The following ZNF737 variants were observed in gnomAD, a reference collection of about 807,000 sequenced individuals.
ZNF737 encodes zinc finger protein 737, also known as zinc finger protein 102 (Y3).
Under a neutral mutation model 11.7 loss-of-function variants are expected in ZNF737, and 13 were observed. That is an observed-to-expected ratio of 1.11 (90% CI 0.73 to 1.77). The LOEUF is 1.77. Among genes scored for constraint, ZNF737 ranks in the 40% most tolerant of loss-of-function variants. The pLI is 0.00. For missense variants in ZNF737, 636 were observed against 638.0 expected, an observed-to-expected ratio of 1.00 and a Z score of 0.03; for synonymous variants, 217 against 216.2, an observed-to-expected ratio of 1.00 and a Z score of -0.03.
intron 1 of ZNF737, among the ~76,000 whole-genome samples, chr19:20,557,665 G>A (rs1555761545): frequency 6.7e-6 from 1 of 149,764 alleles, no homozygotes; most frequent in South Asian, 2.1e-4. Context: ...CACACAGGCT[G>A]GTGTGCAGTG....
chr19:20,539,624 C>A lies in ZNF737; in HGVS notation c.*4968G>T, dbSNP rs1555754677. 1.0e-6 allele frequency: 1 copy of A among 956,234 alleles called. No homozygotes were observed. Among genetic ancestry groups the A allele is most frequent in the South Asian group, 4.8e-5 (1 of 20,684 alleles). The allele number at this position is 956,234 out of a possible 1,614,324, so 59.2% of individuals were successfully genotyped here. ...AAAAATATTCATATTAATGTGTTTA[C>A]AGTTTAATCTTGTATTACAGTATAG... On this transcript the variant is annotated 3_prime_UTR_variant, in exon 4 of 4. Transcript: ENST00000427401.
chr19:20,535,854 T>TA (rs35597979), downstream of ZNF737: 70,096 of 141,736 alleles, frequency 0.49, 16,722 homozygotes, highest in East Asian at 0.57. Context: ...ATGTAAAGTG[T>TA]AAAAAAAAAA....
chr19:20,553,748 T>C lies in ZNF737; in HGVS notation c.91A>G (p.Asn31Asp), dbSNP rs1243791931. The C allele has an allele frequency of 1.9e-6, 3 of 1,613,982 alleles. No homozygotes were observed. The highest frequency in any genetic ancestry group is 2.5e-6 in the Non-Finnish European group (3 of 1,179,936). ...TTTCTGTAGTTCTCTAACATCACAT[T>C]CCTATATAAATTCCGCTGTGCAGTG... ...LDTAQRNLYR[N>D]VMLENYRNLV... The change falls in exon 2 of 4, where the codon AAT (asparagine) becomes GAT (aspartate). Residue 31 changes from asparagine (N) to aspartate (D), a missense_variant. Coordinates refer to ENST00000427401, the MANE Select transcript of ZNF737 (RefSeq NM_001159293.2).
intron 1 of ZNF737, among the ~76,000 whole-genome samples, chr19:20,555,826 C>CTTTTT (rs144778054): frequency 6.7e-5 from 10 of 148,794 alleles, no homozygotes; most frequent in African/African-American, 1.2e-4. Context: ...AAAGAAAAGC[C>CTTTTT]TTTTTTTTTT....
In ZNF737 at chr19:20,545,364, G is replaced by A. The variant is rs999286484; in HGVS notation, c.839C>T (p.Thr280Ile). ...TTCACATTTGTAGGGTTTCTCTCCAGTATGAATTATCTTATGTGTAGTAAG... is the reference window on the plus strand; with the variant it reads ...TTCACATTTGTAGGGTTTCTCTCCAATATGAATTATCTTATGTGTAGTAAG... ...SNLTTHKIIH[T>I]GEKPYKCEEC... The change falls in exon 4 of 4, where the codon ACT becomes ATT. Residue 280 changes from threonine to isoleucine, a missense_variant. By Grantham distance (89) the Thr-to-Ile change is moderately conservative. Transcript: ENST00000427401. The A allele has an allele frequency of 1.2e-6, 2 of 1,612,272 alleles. No individual in the cohort carries two copies. Among genetic ancestry groups the A allele is most frequent in the Non-Finnish European group, 8.5e-7 (1 of 1,179,554 alleles).
In ZNF737 at chr19:20,545,455, T is replaced by C; in HGVS notation, c.748A>G (p.Ile250Val). 6.2e-7 allele frequency: 1 copy of C among 1,613,812 alleles called. No homozygotes were observed. Among genetic ancestry groups the C allele is most frequent in the Middle Eastern group, 1.6e-4 (1 of 6,062 alleles). The stretch of plus-strand genomic sequence containing the variant: ...TTGTAGGGTTTCTCTCCACTATGAA[T>C]TATCTTATGTGCAGTAAGGTATGAA... ...RFSYLTAHKI[I>V]HSGEKPYKCE... Residue 250 changes from isoleucine to valine, a missense_variant, in exon 4 of 4, where the codon ATT (isoleucine) becomes GTT (valine). Ile to Val is a conservative substitution (Grantham distance 29, BLOSUM62 3). Coordinates refer to ENST00000427401, the MANE Select transcript of ZNF737 (RefSeq NM_001159293.2).
chr19:20,530,381 G>A, the ZNF737 span, among the ~76,000 whole-genome samples: 9 of 147,374 alleles, frequency 6.1e-5, no homozygotes, highest in East Asian at 1.1e-3. Context: ...CCTCCCTCCC[G>A]GACGGGGCGA....
chr19:20,539,956 T>C lies in ZNF737; in HGVS notation c.*4636A>G. The C allele has an allele frequency of 1.3e-5, 13 of 985,212 alleles. No homozygotes were observed. Among genetic ancestry groups the C allele is most frequent in the Non-Finnish European group, 1.6e-5 (13 of 829,880 alleles). The allele number at this position is 985,212 out of a possible 1,614,324, so 61.0% of individuals were successfully genotyped here. A position where few individuals can be genotyped will look rare whatever the true frequency, so the allele number is the denominator to read the frequency against. ...TGCCAGTGAGCACTTTTACCCAGGT[T>C]ACCTTTTTCCTCCCATTAATGTGGA... On this transcript the variant is annotated 3_prime_UTR_variant, in exon 4 of 4. Coordinates refer to ENST00000427401, the MANE Select transcript of ZNF737 (RefSeq NM_001159293.2).
At chr19:20,536,427 T>C (rs1456537199), downstream of ZNF737, among the ~76,000 whole-genome samples, 3 of 152,212 alleles carry the variant, frequency 2.0e-5, no homozygotes, top group Non-Finnish European at 4.4e-5. Context: ...TTATATCACC[T>C]GCCTCTGCTA....
rs1411301636 is a variant in ZNF737, at chr19:20,545,653, G to A, written c.550C>T (p.Gln184Ter). Residue 184 changes from glutamine to a stop codon, truncating the protein, a stop_gained, in exon 4 of 4, where the codon CAG (glutamine) becomes TAG (stop). Coordinates refer to ENST00000427401, the MANE Select transcript of ZNF737 (RefSeq NM_001159293.2). LOFTEE classifies it low-confidence loss of function (END_TRUNC). Reference protein sequence around the residue: ...KCIECGKAFNQSSTLTTHKKI... With the variant: ...KCIECGKAFN ...TTATGTGTAGTAAGGGTTGAAGACT[G>A]GTTAAAAGCTTTGCCACATTCTATA... 2 of 1,613,776 alleles carry A rather than the reference G, an allele frequency of 1.2e-6. No individual in the cohort carries two copies. The highest frequency in any genetic ancestry group is 2.7e-5 in the African/African-American group (2 of 74,912).
At chr19:20,565,508 T>C in intron 1 of ZNF737, 130 bp downstream of exon 1, 1 of 1,509,794 alleles carries the variant, frequency 6.6e-7, no homozygotes, top group Admixed American at 1.7e-5. Context: ...GAGGCCGAGC[T>C]GGGCAAGGAG....
intron 1 of ZNF737, 81 bp from the exon 2 acceptor site, chr19:20,553,916 G>C: frequency 6.5e-7 from 1 of 1,530,338 alleles, no homozygotes; most frequent in Non-Finnish European, 8.9e-7. Context: ...AAATGAGAGA[G>C]TAAAGACAAA....
intron 1 of ZNF737, among the ~76,000 whole-genome samples, chr19:20,560,151 C>T (rs1248064828): frequency 1.8e-4 from 22 of 119,856 alleles, no homozygotes; most frequent in East Asian, 5.0e-4. Context: ...CCGGCCTGGG[C>T]GACAGAGCGA....
chr19:20,541,005 T>C lies in ZNF737; in HGVS notation c.*3587A>G. 2 of 985,300 alleles carry C rather than the reference T, an allele frequency of 2.0e-6. No individual in the cohort carries two copies. Among genetic ancestry groups the C allele is most frequent in the Non-Finnish European group, 2.4e-6 (2 of 829,806 alleles). 61.0% of individuals were successfully genotyped at this position (985,300 alleles called of 1,614,324 possible). A position where few individuals can be genotyped will look rare whatever the true frequency, so the allele number is the denominator to read the frequency against. ...TAAAAATGATTTTTTTTTCCTGTTT[T>C]AAGAGGGCTTTTATTATTGTACTCA... On this transcript the variant is annotated 3_prime_UTR_variant, in exon 4 of 4. Transcript: ENST00000427401.
Position 20,545,721 on chromosome 19 carries a change from TTTGA to T in ZNF737, c.478_481del (p.Ser160ThrfsTer5). 6.2e-7 allele frequency: 1 copy of T among 1,612,678 alleles called. No homozygotes were observed. Among genetic ancestry groups the T allele is most frequent in the Non-Finnish European group, 8.5e-7 (1 of 1,179,394 alleles). The stretch of plus-strand genomic sequence containing the variant: ...TCCAGTATGTCTTATCTTATGTCTG[TTTGA>T]ATTTGAAAATTTATGAATGACTTTC... On this transcript the variant is annotated frameshift_variant, in exon 4 of 4. Transcript: ENST00000427401. LOFTEE classifies it low-confidence loss of function (END_TRUNC).
rs879987809 is a variant in ZNF737, at chr19:20,543,983, C to G, written c.*609G>C. 1.9e-5 allele frequency: 12 copies of G among 631,238 alleles called. No individual in the cohort carries two copies. The highest frequency in any genetic ancestry group is 2.2e-5 in the Non-Finnish European group (11 of 507,600). The allele number at this position is 631,238 out of a possible 1,614,324, so 39.1% of individuals were successfully genotyped here. A position where few individuals can be genotyped will look rare whatever the true frequency, so the allele number is the denominator to read the frequency against. On this transcript the variant is annotated 3_prime_UTR_variant, in exon 4 of 4. Coordinates refer to ENST00000427401, the MANE Select transcript of ZNF737 (RefSeq NM_001159293.2). ...TCTCTACTAAAAATAAAAAAATTAG[C>G]TGGGCATGTTGGAGGACACCTGTAA...
chr19:20,565,089 C>T (rs1555763457), intron 1 of ZNF737, among the ~76,000 whole-genome samples: 1 of 152,100 alleles, frequency 6.6e-6, no homozygotes, highest in African/African-American at 2.4e-5. Flanking sequence ...CATCTGTCAT[C>T]ACACCCAGCT....
chr19:20,543,724 T>C lies in ZNF737; in HGVS notation c.*868A>G. 1.0e-6 allele frequency: 1 copy of C among 985,284 alleles called. No homozygotes were observed. The highest frequency in any genetic ancestry group is 1.2e-6 in the Non-Finnish European group (1 of 829,784). The allele number at this position is 985,284 out of a possible 1,614,324, so 61.0% of individuals were successfully genotyped here. On this transcript the variant is annotated 3_prime_UTR_variant, in exon 4 of 4. Coordinates refer to ENST00000427401, the MANE Select transcript of ZNF737 (RefSeq NM_001159293.2). Reference sequence around the variant, plus strand: ...ATATTTCTAGGGTTTCACACTAGTATAATTATTGTTATGTGTAGAGAAGTT... The same window carrying C: ...ATATTTCTAGGGTTTCACACTAGTACAATTATTGTTATGTGTAGAGAAGTT...
intron 3 of ZNF737, among the ~76,000 whole-genome samples, chr19:20,548,977 A>AC (rs1555757678): frequency 3.2e-5 from 4 of 124,554 alleles, no homozygotes; most frequent in Non-Finnish European, 6.8e-5. Context: ...AAAAAAAAAA[A>AC]AAACAATTAT....
Sources: gnomAD v4.1 joint callset for allele counts (sites outside exome capture counted in the v4.1 genomes callset) on GRCh38, gnomAD v4.1.1 for gene constraint, MANE v1.5 for transcripts, NCBI Gene and HGNC (gene_info 2026-07-23, HGNC 2026-07-21) for gene names.